NIFK: variants seen among roughly 807,000 people sequenced by gnomAD.
The protein encoded by NIFK is nucleolar protein interacting with the FHA domain of MKI67.
Under a neutral mutation model 31.7 loss-of-function variants are expected in NIFK, and 16 were observed. The observed-to-expected ratio is 0.50, with a 90% CI of 0.34 to 0.77. The LOEUF is 0.77. Ranked by LOEUF, NIFK falls within the 30% of genes least tolerant of loss-of-function variation. NIFK has a pLI of 0.01. For synonymous variants in NIFK, 126 were observed against 123.0 expected, an observed-to-expected ratio of 1.02 and a Z score of -0.16; for missense variants, 341 against 350.4, an observed-to-expected ratio of 0.97 and a Z score of 0.21.
chr2:121,736,532 C>A (rs890726054), intron 1 of NIFK, among the ~76,000 whole-genome samples: 9 of 152,248 alleles, frequency 5.9e-5, no homozygotes, highest in African/African-American at 2.2e-4. Context: ...CCATCATTTA[C>A]CGAACAGCGT....
In NIFK at chr2:121,731,035, G is replaced by A. The variant is rs927610465; in HGVS notation, c.422C>T (p.Pro141Leu). The change falls in exon 4 of 7, where the codon CCA (proline) becomes CTA (leucine). Residue 141 changes from proline to leucine, a missense_variant. Physicochemically the swap from Pro to Leu is moderately conservative, Grantham distance 98. Coordinates refer to ENST00000285814, the MANE Select transcript of NIFK (RefSeq NM_032390.5). ...ATACCGTTTCACTGATGGATATGAT[G>A]GCTGCTTAAATGGAATATTCCAGTC... ...FKDWNIPFKQ[P>L]SYPSVKRYNR... The A allele has an allele frequency of 1.2e-6, 2 of 1,612,870 alleles. No individual in the cohort carries two copies. The highest frequency in any genetic ancestry group is 1.7e-6 in the Non-Finnish European group (2 of 1,179,016).
intron 4 of NIFK, among the ~76,000 whole-genome samples, chr2:121,730,175 C>T (rs2074527326): frequency 1.3e-5 from 2 of 152,224 alleles, no homozygotes; most frequent in East Asian, 3.9e-4. Context: ...GATTGTGCCA[C>T]TGCACTCCAG....
intron 4 of NIFK, among the ~76,000 whole-genome samples, chr2:121,729,944 G>GGCT (rs1213109645): frequency 6.6e-6 from 1 of 152,218 alleles, no homozygotes; most frequent in Non-Finnish European, 1.5e-5. Context: ...CAGTCATGGT[G>GGCT]GCTCACACCT....
Position 121,730,129 on chromosome 2 carries a change from G to A in NIFK, c.564+764C>T, listed in dbSNP as rs142112464. ...CTCATGAGGGTGAGGCAGGAGAATTGCTTGAACCTGGGAGGTGGAGGTTGC... is the reference window on the plus strand; with the variant it reads ...CTCATGAGGGTGAGGCAGGAGAATTACTTGAACCTGGGAGGTGGAGGTTGC... On this transcript the variant is annotated intron_variant, in intron 4 of 6. Transcript: ENST00000285814. Among the ~76,000 whole-genome samples the A allele has an allele frequency of 2.4e-3, 359 of 152,286 alleles. 3 individuals carry two copies. Among genetic ancestry groups the A allele is most frequent in the African/African-American group, 7.9e-3 (329 of 41,574 alleles).
rs142038097 is a variant in NIFK at position 121,727,448 on chromosome 2, A to C, written c.*276T>G. On this transcript the variant is annotated 3_prime_UTR_variant, in exon 7 of 7. Coordinates refer to ENST00000285814, the MANE Select transcript of NIFK (RefSeq NM_032390.5). ...AGTGGTCAACTTTCTATCCAGGCAG[A>C]GTAAACTAAGGAGAGCTATGAAATA... The C allele has an allele frequency of 1.6e-3, 942 of 589,172 alleles. 6 individuals are homozygous for C. Among genetic ancestry groups the C allele is most frequent in the East Asian group, 0.012 (306 of 24,724 alleles). 36.5% of individuals were successfully genotyped at this position (589,172 alleles called of 1,614,324 possible).
intron 2 of NIFK, among the ~76,000 whole-genome samples, chr2:121,734,483 T>C (rs974477570): frequency 1.3e-5 from 2 of 151,990 alleles, no homozygotes; most frequent in Non-Finnish European, 2.9e-5. Context: ...AGTAAAAACT[T>C]ATATATAGCA....
Position 121,728,038 on chromosome 2 carries a change from T to C in NIFK, c.694-126A>G, listed in dbSNP as rs2074504562. On this transcript the variant is annotated intron_variant, in intron 6 of 6. Coordinates refer to ENST00000285814, the MANE Select transcript of NIFK (RefSeq NM_032390.5). The stretch of plus-strand genomic sequence containing the variant: ...ATTATTTTAGCTCTGTTACCATCTT[T>C]TGGTGATACTATTGCAAAGAATAAA... The C allele has an allele frequency of 4.5e-6, 4 of 890,328 alleles. No individual in the cohort carries two copies. The African/African-American group carries it at 6.9e-5, about 15-fold the overall frequency. The allele number at this position is 890,328 out of a possible 1,614,324, so 55.2% of individuals were successfully genotyped here.
Position 121,727,324 on chromosome 2 carries a change from A to T in NIFK, c.*400T>A. 2.2e-6 allele frequency: 1 copy of T among 453,128 alleles called. No individual in the cohort carries two copies. The highest frequency in any genetic ancestry group is 1.6e-5 in the South Asian group (1 of 61,908). 28.1% of individuals were successfully genotyped at this position (453,128 alleles called of 1,614,324 possible). A position where few individuals can be genotyped will look rare whatever the true frequency, so the allele number is the denominator to read the frequency against. On this transcript the variant is annotated 3_prime_UTR_variant, in exon 7 of 7. Coordinates refer to ENST00000285814, the MANE Select transcript of NIFK (RefSeq NM_032390.5). ...GAAATCTAAAGCACCTCCATGAGTTAAATGTCCCCGACAAACCATGTAGAT... is the reference window on the plus strand; with the variant it reads ...GAAATCTAAAGCACCTCCATGAGTTTAATGTCCCCGACAAACCATGTAGAT...
At chr2:121,730,860 A>G in intron 4 of NIFK, 33 bp downstream of exon 4, 1 of 1,534,910 alleles carries the variant, frequency 6.5e-7, no homozygotes, top group South Asian at 1.1e-5. Context: ...CCTCCCCACA[A>G]CAAACCACAA....
chr2:121,727,692 TA>T lies in NIFK; in HGVS notation c.*31del, dbSNP rs1255677012. ...AAAGTCCACTCTCATAAAAATATTA[TA>T]TTTTTCAAAAGAAATATAATACATT... On this transcript the variant is annotated 3_prime_UTR_variant, in exon 7 of 7. Coordinates refer to ENST00000285814, the MANE Select transcript of NIFK (RefSeq NM_032390.5). 5 of 1,504,710 alleles carry T rather than the reference TA, an allele frequency of 3.3e-6. No individual in the cohort carries two copies. In the South Asian group the frequency reaches 6.0e-5, roughly 18 times the overall value. 93.2% of individuals were successfully genotyped at this position (1,504,710 alleles called of 1,614,324 possible).
At position 121,727,046 on chromosome 2, in the gene NIFK, C is replaced by A. The variant is rs17006765; in HGVS notation, c.*678G>T. 19,508 of 166,538 alleles carry A rather than the reference C, an allele frequency of 0.12. 2,847 individuals carry two copies. Among genetic ancestry groups the A allele is most frequent in the African/African-American group, 0.35 (14,752 of 41,562 alleles). The allele number at this position is 166,538 out of a possible 1,614,324, so 10.3% of individuals were successfully genotyped here. A position where few individuals can be genotyped will look rare whatever the true frequency, so the allele number is the denominator to read the frequency against. The stretch of plus-strand genomic sequence containing the variant: ...CCCAAGTCCTACTCGCAAACAAATA[C>A]ATTGTAGAAAAAAGTTTAATTGCTG... On this transcript the variant is annotated 3_prime_UTR_variant, in exon 7 of 7. Coordinates refer to ENST00000285814, the MANE Select transcript of NIFK (RefSeq NM_032390.5).
At chr2:121,733,946 A>G (rs1264717972) in intron 2 of NIFK, among the ~76,000 whole-genome samples, 5 of 152,174 alleles carry the variant, frequency 3.3e-5, no homozygotes, top group African/African-American at 4.8e-5. Context: ...CTGTACAAAG[A>G]TTGTTCCTAG....
Position 121,727,485 on chromosome 2 carries a change from C to T in NIFK, c.*239G>A, listed in dbSNP as rs1253966095. ...AGAGCTATGAAATATCAAAAGAAAA[C>T]TAGAGGCCAGGACAAAGAGGCAATG... On this transcript the variant is annotated 3_prime_UTR_variant, in exon 7 of 7. Coordinates refer to ENST00000285814, the MANE Select transcript of NIFK (RefSeq NM_032390.5). 4.5e-6 allele frequency: 3 copies of T among 666,370 alleles called. No individual in the cohort carries two copies. Among genetic ancestry groups the T allele is most frequent in the Admixed American group, 2.1e-5 (1 of 48,458 alleles). The allele number at this position is 666,370 out of a possible 1,614,324, so 41.3% of individuals were successfully genotyped here.
intron 6 of NIFK, 184 bp downstream of exon 6, chr2:121,728,104 T>C (rs1183700020): frequency 1.0e-5 from 7 of 690,592 alleles, no homozygotes; most frequent in East Asian, 5.7e-5. Context: ...AAATTCACAA[T>C]TAACAAATAT....
In NIFK at chr2:121,731,029, T is replaced by C; in HGVS notation, c.428A>G (p.Tyr143Cys). 1 of 1,613,248 alleles carries C rather than the reference T, an allele frequency of 6.2e-7. No homozygotes were observed. ...DWNIPFKQPS[Y>C]PSVKRYNRNR... ...CCGATTATACCGTTTCACTGATGGA[T>C]ATGATGGCTGCTTAAATGGAATATT... Residue 143 changes from tyrosine to cysteine, a missense_variant, in exon 4 of 7, where the codon TAT becomes TGT. Tyr to Cys is a radical substitution (Grantham distance 194). Coordinates refer to ENST00000285814, the MANE Select transcript of NIFK (RefSeq NM_032390.5).
chr2:121,735,535 G>T lies in NIFK; in HGVS notation c.243+78C>A, dbSNP rs2074572882. On this transcript the variant is annotated intron_variant, in intron 2 of 6. Transcript: ENST00000285814. ...TGAAATCTGATAAGCAATAATGTAT[G>T]CGTGAACGTGCTCTTTAATGTCAAG... The T allele has an allele frequency of 2.8e-6, 4 of 1,413,396 alleles. No homozygotes were observed. In the East Asian group the frequency reaches 9.1e-5, roughly 32 times the overall value. 87.6% of individuals were successfully genotyped at this position (1,413,396 alleles called of 1,614,324 possible).
chr2:121,732,163 A>C lies in NIFK; in HGVS notation c.285T>G (p.Ser95=). The C allele has an allele frequency of 6.2e-7, 1 of 1,613,520 alleles. No individual in the cohort carries two copies. The highest frequency in any genetic ancestry group is 8.5e-7 in the Non-Finnish European group (1 of 1,179,410). Residue 95 remains serine (S), a synonymous_variant, in exon 3 of 7, where the codon TCT becomes TCG. Transcript: ENST00000285814. ...CAGCAACTATTTTGGCAACATCCTC[A>C]GACTCAAACTCCACAAATGCATAGC... The part of the protein sequence containing the change: ...SKGYAFVEFE[S]EDVAKIVAET...
chr2:121,735,708 G>A lies in NIFK; in HGVS notation c.148C>T (p.Arg50Cys), dbSNP rs182886627. Residue 50 changes from arginine (R) to cysteine (C), a missense_variant, in exon 2 of 7, where the codon CGC becomes TGC. Arg to Cys is a radical substitution (Grantham distance 180, BLOSUM62 -3). Coordinates refer to ENST00000285814, the MANE Select transcript of NIFK (RefSeq NM_032390.5). ...EQLTPGVVYV[R>C]HLPNLLDETQ... ...TCGTCAAGTAGGTTAGGTAGGTGGC[G>A]CACATAGACTACTCCAGGAGTAAGT... 3.7e-6 allele frequency: 6 copies of A among 1,613,396 alleles called. No individual in the cohort carries two copies. The highest frequency in any genetic ancestry group is 1.1e-5 in the South Asian group (1 of 91,058).
rs1478769985 is a variant in NIFK, at chr2:121,730,855, C to T, written c.564+38G>A. Reference sequence around the variant, plus strand: ...GGTACAAAGCTGCCCCCTCCCCTCCCCACAACAAACCACAAAAAAGATTTC... The same window carrying T: ...GGTACAAAGCTGCCCCCTCCCCTCCTCACAACAAACCACAAAAAAGATTTC... On this transcript the variant is annotated intron_variant, in intron 4 of 6. Coordinates refer to ENST00000285814, the MANE Select transcript of NIFK (RefSeq NM_032390.5). 5.4e-6 allele frequency: 8 copies of T among 1,488,856 alleles called. No individual in the cohort carries two copies. The African/African-American group carries it at 9.7e-5, about 18-fold the overall frequency. The allele number at this position is 1,488,856 out of a possible 1,614,324, so 92.2% of individuals were successfully genotyped here.
Sources: gnomAD v4.1 joint callset for allele counts (sites outside exome capture counted in the v4.1 genomes callset) on GRCh38, gnomAD v4.1.1 for gene constraint, MANE v1.5 for transcripts, NCBI Gene and HGNC (gene_info 2026-07-23, HGNC 2026-07-21) for gene names.